Variants in AKAP6 observed in about 807,000 individuals in gnomAD.
AKAP6 encodes the protein A-kinase anchor protein 6.
In AKAP6, 58 loss-of-function variants were observed where a neutral mutation model predicts 188.5. The observed-to-expected ratio is 0.31, with a 90% CI of 0.25 to 0.38. The LOEUF is 0.38. AKAP6 is among the 10% of genes least tolerant of loss of function. The pLI is 1.00. For synonymous variants in AKAP6, 989 were observed against 998.6 expected (o/e 0.99, Z 0.18); for missense variants, 2,710 against 2,740.0 (o/e 0.99, Z 0.24).
At chr14:32,698,865 G>A (rs1339413769) in intron 9 of AKAP6, among the ~76,000 whole-genome samples, 1 of 152,162 alleles carries the variant, frequency 6.6e-6, no homozygotes, top group Non-Finnish European at 1.5e-5. Flanking sequence ...TTCTAAGGGA[G>A]ATCTTCAGCT....
chr14:32,590,889 T>C (rs1164692998), intron 5 of AKAP6, among the ~76,000 whole-genome samples: 3 of 152,222 alleles, frequency 2.0e-5, no homozygotes, highest in African/African-American at 2.4e-5. Context: ...ACAAAATTTA[T>C]TAAATTTATT....
At chr14:32,485,853 A>G (rs1482208284) in intron 2 of AKAP6, among the ~76,000 whole-genome samples, 3 of 152,024 alleles carry the variant, frequency 2.0e-5, no homozygotes, top group African/African-American at 7.2e-5. Context: ...CTTTTGTTGC[A>G]ATAGCTTTTG....
intron 11 of AKAP6, among the ~76,000 whole-genome samples, chr14:32,754,294 G>A (rs890181628): frequency 1.3e-5 from 2 of 151,968 alleles, no homozygotes; most frequent in Non-Finnish European, 2.9e-5. Context: ...TCTGATAAAA[G>A]TATAGCCACC....
At chr14:32,712,821 G>A (rs1343363458) in intron 9 of AKAP6, among the ~76,000 whole-genome samples, 1 of 151,912 alleles carries the variant, frequency 6.6e-6, no homozygotes, top group African/African-American at 2.4e-5. Context: ...CATCCATAAG[G>A]GTTGGAATCA....
chr14:32,579,871 G>A (rs1884889691), intron 5 of AKAP6, among the ~76,000 whole-genome samples: 1 of 151,852 alleles, frequency 6.6e-6, no homozygotes, highest in Non-Finnish European at 1.5e-5. Context: ...TTAATGAGGG[G>A]GCAAGTGGTA....
chr14:32,734,765 T>C (rs562304054), intron 10 of AKAP6, among the ~76,000 whole-genome samples: 15 of 152,250 alleles, frequency 9.9e-5, no homozygotes, highest in African/African-American at 3.6e-4. Flanking sequence ...ATTTTTCTGC[T>C]ACAGTCTCCT....
chr14:32,554,924 A>C (rs1302026030), intron 4 of AKAP6, among the ~76,000 whole-genome samples: 1 of 152,174 alleles, frequency 6.6e-6, no homozygotes, highest in Non-Finnish European at 1.5e-5. Context: ...GTCAAGTTGG[A>C]CTCAGTGATA....
At chr14:32,739,021 C>G (rs889594614) in intron 11 of AKAP6, among the ~76,000 whole-genome samples, 10 of 152,052 alleles carry the variant, frequency 6.6e-5, no homozygotes, top group African/African-American at 1.9e-4. Context: ...GGAATAGATA[C>G]AGTCTGTGTC....
intron 11 of AKAP6, among the ~76,000 whole-genome samples, chr14:32,753,240 CT>C (rs1339619697): frequency 1.3e-5 from 2 of 152,104 alleles, no homozygotes; most frequent in African/African-American, 4.8e-5. Flanking sequence ...AATAGCCATT[CT>C]AACAGGTGTG....
rs1340234679 is a variant in AKAP6, at chr14:32,834,704, C to T, written c.*4899C>T. ...TTCTCATTGTTAAACTCAGGGTAAA[C>T]TTTTTTTTGTCAAGTAAATACATAG... is the stretch of plus-strand genomic sequence containing the variant. On this transcript the variant is annotated 3_prime_UTR_variant, in exon 14 of 14. Coordinates refer to ENST00000280979, the MANE Select transcript of AKAP6 (RefSeq NM_004274.5). 2.0e-5 allele frequency: 3 copies of T among 151,700 alleles called. No individual in the cohort carries two copies. The highest frequency in any genetic ancestry group is 7.3e-5 in the African/African-American group (3 of 41,298). 9.4% of individuals were successfully genotyped at this position (151,700 alleles called of 1,614,324 possible).
intron 2 of AKAP6, among the ~76,000 whole-genome samples, chr14:32,512,142 A>G (rs1881292821): frequency 6.6e-6 from 1 of 152,212 alleles, no homozygotes; most frequent in African/African-American, 2.4e-5. Context: ...GATTTAGGGT[A>G]CTGTGGAGGG....
In AKAP6 at chr14:32,823,273, T is replaced by C; in HGVS notation, c.5460T>C (p.Asn1820=). The C allele has an allele frequency of 6.2e-7, 1 of 1,613,774 alleles. No homozygotes were observed. Among genetic ancestry groups the C allele is most frequent in the Non-Finnish European group, 8.5e-7 (1 of 1,179,896 alleles). Residue 1820 remains asparagine (N), a synonymous_variant, in exon 13 of 14, where the codon AAT becomes AAC. Coordinates refer to ENST00000280979, the MANE Select transcript of AKAP6 (RefSeq NM_004274.5). ...TGACAAGAGATAAGAAAAGGTGCAATGTCAGTGATGAGATGAAGGGCAGTA... is the reference window on the plus strand; with the variant it reads ...TGACAAGAGATAAGAAAAGGTGCAACGTCAGTGATGAGATGAAGGGCAGTA... The part of the protein sequence containing the change: ...LSLTRDKKRC[N]VSDEMKGSKD...
chr14:32,413,749 A>G (rs1249645173), intron 1 of AKAP6, among the ~76,000 whole-genome samples: 2 of 152,160 alleles, frequency 1.3e-5, no homozygotes, highest in African/African-American at 4.8e-5. Context: ...CTCTGTCTCT[A>G]TGGAGCATAT....
At chr14:32,350,212 A>G (rs1055434931) in intron 1 of AKAP6, among the ~76,000 whole-genome samples, 2 of 152,204 alleles carry the variant, frequency 1.3e-5, no homozygotes, top group Non-Finnish European at 2.9e-5. Context: ...GAAACCTGGT[A>G]AGTATAACCC....
intron 7 of AKAP6, among the ~76,000 whole-genome samples, chr14:32,667,188 G>GT (rs1476548201): frequency 2.0e-5 from 3 of 152,054 alleles, no homozygotes; most frequent in African/African-American, 7.2e-5. Flanking sequence ...AAAATGGAGT[G>GT]TTTAACTTTT....
At chr14:32,595,782 G>A (rs780393912) in intron 5 of AKAP6, among the ~76,000 whole-genome samples, 1 of 152,062 alleles carries the variant, frequency 6.6e-6, no homozygotes, top group African/African-American at 2.4e-5. Flanking sequence ...CTTAAGGCCC[G>A]ACCACTCTGT....
intron 5 of AKAP6, among the ~76,000 whole-genome samples, chr14:32,582,588 C>T (rs896996627): frequency 1.4e-4 from 22 of 152,126 alleles, no homozygotes; most frequent in Non-Finnish European, 3.2e-4. Context: ...GAGTGTTTTC[C>T]AACTTGGTTC....
chr14:32,522,322 G>A (rs981874287), intron 2 of AKAP6, among the ~76,000 whole-genome samples: 2 of 152,126 alleles, frequency 1.3e-5, no homozygotes, highest in Admixed American at 1.3e-4. Context: ...GGCAACAAAA[G>A]CCAAAATTGA....
intron 11 of AKAP6, among the ~76,000 whole-genome samples, chr14:32,771,799 G>A (rs570880950): frequency 2.8e-4 from 43 of 152,240 alleles, no homozygotes; most frequent in African/African-American, 8.7e-4. Context: ...TCAGTTCTAT[G>A]GCACAGAAAC....
Sources: allele counts gnomAD v4.1 joint callset (sites outside exome capture counted in the v4.1 genomes callset), GRCh38; gene constraint gnomAD v4.1.1; transcripts MANE v1.5; gene names NCBI Gene and HGNC (gene_info 2026-07-23, HGNC 2026-07-21).